ERC2: variants seen among roughly 807,000 people sequenced by gnomAD.
The protein encoded by ERC2 is ELKS/RAB6-interacting/CAST family member 2.
A neutral mutation model predicts 114.8 loss-of-function variants in ERC2; 42 were observed. The observed-to-expected ratio is 0.37, with a 90% CI of 0.29 to 0.47. The LOEUF (loss-of-function observed/expected upper bound fraction) is 0.47. Ranked by LOEUF, ERC2 falls within the 20% of genes least tolerant of loss-of-function variation. The pLI, the probability that ERC2 is intolerant of heterozygous loss-of-function variation, is 0.99. For synonymous variants in ERC2, 454 were observed against 425.5 expected, an observed-to-expected ratio of 1.07 and a Z score of -0.82; for missense variants, 939 against 1,150.7, an observed-to-expected ratio of 0.82 and a Z score of 2.66.
chr3:55,827,552 C>T (rs1204991947), intron 14 of ERC2, among the ~76,000 whole-genome samples: 2 of 152,154 alleles, frequency 1.3e-5, no homozygotes, highest in Non-Finnish European at 2.9e-5. Context: ...AATGCCACTG[C>T]ACATGTGGGT....
intron 2 of ERC2, among the ~76,000 whole-genome samples, chr3:56,378,290 A>G (rs994997397): frequency 4.7e-5 from 7 of 149,132 alleles, no homozygotes; most frequent in Non-Finnish European, 1.0e-4. Flanking sequence ...ATGAAATTGG[A>G]AATCATCATT....
chr3:55,642,329 T>A (rs2060221196), intron 17 of ERC2, among the ~76,000 whole-genome samples: 1 of 133,638 alleles, frequency 7.5e-6, no homozygotes. Context: ...TTTTTTTTTT[T>A]TCTTTTCTTT....
At chr3:56,182,070 A>C (rs2083319643) in intron 3 of ERC2, among the ~76,000 whole-genome samples, 1 of 152,190 alleles carries the variant, frequency 6.6e-6, no homozygotes, top group Non-Finnish European at 1.5e-5. Context: ...TTAAGCCATT[A>C]AATTTGGGGT....
At chr3:56,035,709 G>A (rs1423231323) in intron 7 of ERC2, among the ~76,000 whole-genome samples, 1 of 152,206 alleles carries the variant, frequency 6.6e-6, no homozygotes, top group Non-Finnish European at 1.5e-5. Context: ...GGAGCAGAGA[G>A]CTGCCCTCAG....
intron 13 of ERC2, among the ~76,000 whole-genome samples, chr3:55,918,610 G>A (rs887497201): frequency 2.6e-5 from 4 of 151,902 alleles, no homozygotes; most frequent in African/African-American, 9.7e-5. Flanking sequence ...GTGCATTTCA[G>A]AGTCAAAGCC....
chr3:56,355,915 G>C (rs921829164), intron 2 of ERC2, among the ~76,000 whole-genome samples: 1 of 152,208 alleles, frequency 6.6e-6, no homozygotes, highest in Non-Finnish European at 1.5e-5. Flanking sequence ...GAATCAGACT[G>C]GACAGGACCA....
At chr3:55,563,596 A>G (rs73830651) in intron 17 of ERC2, among the ~76,000 whole-genome samples, 1 of 152,222 alleles carries the variant, frequency 6.6e-6, no homozygotes. Context: ...AGACAGAGAC[A>G]GTGACAGAGG....
At chr3:55,978,409 C>A (rs372673864) in intron 12 of ERC2, among the ~76,000 whole-genome samples, 21 of 152,332 alleles carry the variant, frequency 1.4e-4, no homozygotes, top group African/African-American at 4.8e-4. Context: ...CTGTTTTCAA[C>A]CTTTTCCTCA....
At chr3:55,547,332 C>T (rs539115354) in intron 17 of ERC2, among the ~76,000 whole-genome samples, 3 of 152,346 alleles carry the variant, frequency 2.0e-5, no homozygotes, top group Non-Finnish European at 2.9e-5. Flanking sequence ...TAGGGCCCAG[C>T]GGGCCATGTT....
intron 14 of ERC2, among the ~76,000 whole-genome samples, chr3:55,835,129 G>C (rs1559735434): frequency 6.6e-6 from 1 of 151,898 alleles, no homozygotes; most frequent in Non-Finnish European, 1.5e-5. Flanking sequence ...ACAAAAAAAA[G>C]AGTCCAGGAC....
chr3:56,129,946 C>A (rs1376686107), intron 6 of ERC2, among the ~76,000 whole-genome samples: 1 of 152,122 alleles, frequency 6.6e-6, no homozygotes, highest in Non-Finnish European at 1.5e-5. Flanking sequence ...GGTCCAAATT[C>A]TTTTGTTCCA....
intron 2 of ERC2, among the ~76,000 whole-genome samples, chr3:56,336,499 A>G (rs995608078): frequency 7.2e-5 from 11 of 152,108 alleles, no homozygotes; most frequent in Non-Finnish European, 1.6e-4. Context: ...GCCAGTAGGA[A>G]ATCTCCTGTT....
chr3:55,753,262 A>G (rs1329047459), intron 14 of ERC2, among the ~76,000 whole-genome samples: 1 of 152,228 alleles, frequency 6.6e-6, no homozygotes, highest in Non-Finnish European at 1.5e-5. Context: ...AAGGCATAGA[A>G]AACAGAAAAC....
intron 14 of ERC2, among the ~76,000 whole-genome samples, chr3:55,816,666 T>C (rs934476685): frequency 3.9e-5 from 6 of 152,180 alleles, no homozygotes; most frequent in Non-Finnish European, 1.5e-5. Context: ...AAATCCCATC[T>C]TTCCTCAGAG....
At chr3:55,706,972 A>C (rs2148844703) in intron 15 of ERC2, among the ~76,000 whole-genome samples, 1 of 152,332 alleles carries the variant, frequency 6.6e-6, no homozygotes, top group South Asian at 2.1e-4. Context: ...CTTGAGTCTC[A>C]TTTCCTATAT....
intron 3 of ERC2, among the ~76,000 whole-genome samples, chr3:56,259,278 A>G (rs1300204619): frequency 6.6e-5 from 10 of 152,032 alleles, no homozygotes; most frequent in African/African-American, 2.4e-4. Flanking sequence ...AGCCCAAAAA[A>G]CTATGTTTTT....
Position 56,181,377 on chromosome 3 carries a change from C to T in ERC2, c.1075-7857G>A, listed in dbSNP as rs555102311. On this transcript the variant is annotated intron_variant, in intron 3 of 17. Coordinates refer to ENST00000288221, the MANE Select transcript of ERC2 (RefSeq NM_015576.3). ...TCTGGTAAATAAAGTTTTATTGGAA[C>T]GCTGCTATGCACATTGATTTCCACA... 2.6e-4 allele frequency among the ~76,000 whole-genome samples: 40 copies of T among 152,320 alleles called. 1 individual carries two copies. The highest frequency in any genetic ancestry group is 1.0e-3 in the South Asian group (5 of 4,830).
In ERC2 at chr3:55,552,216, A is replaced by G. The variant is rs1424117279; in HGVS notation, c.*40-40940T>C. ...GACAATTTCCACAGTCTTAGAAAGAAGTTTCCTCTATGCCCCAGCCACGTC... is the reference window on the plus strand; with the variant it reads ...GACAATTTCCACAGTCTTAGAAAGAGGTTTCCTCTATGCCCCAGCCACGTC... On this transcript the variant is annotated intron_variant, in intron 17 of 17. Coordinates refer to ENST00000288221, the MANE Select transcript of ERC2 (RefSeq NM_015576.3). Among the ~76,000 whole-genome samples the G allele has an allele frequency of 2.6e-5, 4 of 152,098 alleles. No homozygotes were observed. In the East Asian group the frequency reaches 7.7e-4, roughly 29 times the overall value.
At chr3:56,243,931 G>A (rs1396385810) in intron 3 of ERC2, among the ~76,000 whole-genome samples, 1 of 152,192 alleles carries the variant, frequency 6.6e-6, no homozygotes, top group African/African-American at 2.4e-5. Context: ...CACAGTGTGG[G>A]TGAGGAACAT....
Sources: gnomAD v4.1 joint callset for allele counts (sites outside exome capture counted in the v4.1 genomes callset) on GRCh38, gnomAD v4.1.1 for gene constraint, MANE v1.5 for transcripts, NCBI Gene and HGNC (gene_info 2026-07-23, HGNC 2026-07-21) for gene names.